Variants in NCOA4 observed in about 807,000 individuals in gnomAD.
The protein encoded by NCOA4 is nuclear receptor coactivator 4, also known as 70 kDa AR-activator.
Under a neutral mutation model 69.5 loss-of-function variants are expected in NCOA4, and 31 were observed. The ratio of observed to expected loss-of-function variants is 0.45; its 90% CI spans 0.34 to 0.60. NCOA4 has a LOEUF of 0.60. Ranked by LOEUF, NCOA4 falls within the 20% of genes least tolerant of loss-of-function variation. The pLI, the probability that NCOA4 is intolerant of heterozygous loss-of-function variation, is 0.02. For missense variants in NCOA4, 600 were observed against 719.2 expected (o/e 0.83, Z 1.90); for synonymous variants, 228 against 252.4 (o/e 0.90, Z 0.92).
chr10:46,006,815 TTTCTC>T (rs1838846092), intron 9 of NCOA4, among the ~76,000 whole-genome samples: 1 of 152,220 alleles, frequency 6.6e-6, no homozygotes, highest in Non-Finnish European at 1.5e-5. Flanking sequence ...CCTTTCCCTA[TTTCTC>T]TTCTCTCTCC....
At position 46,015,159 on chromosome 10, in the gene NCOA4, C is replaced by T. The variant is rs1317918284; in HGVS notation, c.249G>A (p.Glu83=). Residue 83 remains glutamate, a synonymous_variant, in exon 3 of 10, where the codon GAG becomes GAA. Coordinates refer to ENST00000581486, the MANE Select transcript of NCOA4 (RefSeq NM_001145263.2). ...QVDLIYQLKE[E]TLQQQAQQLY... is the part of the protein sequence containing the mutation. ...GCTGCTGAGCCTGCTGTTGAAGTGT[C>T]TCCTCTTTAAGCTGATAAATAAGGT... 2 of 1,614,088 alleles carry T rather than the reference C, an allele frequency of 1.2e-6. No individual in the cohort carries two copies. The highest frequency in any genetic ancestry group is 1.7e-6 in the Non-Finnish European group (2 of 1,180,034).
chr10:46,020,459 ATTG>A (rs1839807236), intron 1 of NCOA4, among the ~76,000 whole-genome samples: 1 of 152,176 alleles, frequency 6.6e-6, no homozygotes, highest in Non-Finnish European at 1.5e-5. Flanking sequence ...TGCAGTGGTT[ATTG>A]TTATCAGGTT....
At chr10:46,016,376 G>T (rs1839546381) in intron 2 of NCOA4, among the ~76,000 whole-genome samples, 164 bp downstream of exon 2, 1 of 152,166 alleles carries the variant, frequency 6.6e-6, no homozygotes. Context: ...TTCCCCTTGG[G>T]ATGAAAGGCA....
intron 1 of NCOA4, chr10:46,023,389 T>C (rs1306631116): frequency 1.6e-5 from 16 of 985,604 alleles, no homozygotes; most frequent in Non-Finnish European, 1.8e-5. Flanking sequence ...GCTTTACCCC[T>C]GACCCGAGTG....
At chr10:46,016,519 A>C (rs782361184) in intron 2 of NCOA4, 21 bp downstream of exon 2, 329 of 1,435,362 alleles carry the variant, frequency 2.3e-4, no homozygotes, top group Non-Finnish European at 3.0e-4. Context: ...AGACAACAGA[A>C]GAGAAAAGCA....
intron 7 of NCOA4, 116 bp from the exon 8 acceptor site, chr10:46,011,322 C>A: frequency 9.8e-7 from 1 of 1,021,086 alleles, no homozygotes. Context: ...GGCTGGAGTG[C>A]GGTGGCACAA....
At chr10:46,013,668 T>G (rs1839366317) in intron 5 of NCOA4, 29 bp from the exon 6 acceptor site, 1 of 1,486,262 alleles carries the variant, frequency 6.7e-7, no homozygotes, top group South Asian at 1.2e-5. Context: ...TTAATCATGT[T>G]ATTTATGCTA....
intron 2 of NCOA4, 104 bp from the exon 3 acceptor site, chr10:46,015,370 G>A (rs1554922990): frequency 6.9e-6 from 3 of 432,788 alleles, no homozygotes; most frequent in South Asian, 1.9e-5. Flanking sequence ...GTGGGGTTGG[G>A]GGGACCACAA....
At chr10:46,021,851 C>G (rs1839889194) in intron 1 of NCOA4, among the ~76,000 whole-genome samples, 1 of 152,022 alleles carries the variant, frequency 6.6e-6, no homozygotes, top group African/African-American at 2.4e-5. Context: ...TCCAGCTAAT[C>G]GGGAGGCTGA....
chr10:46,016,389 A>G lies in NCOA4; in HGVS notation c.141+151T>C, dbSNP rs955431130. ...ATTTCCCCTTGGGATGAAAGGCACC[A>G]GTATATCAGGCAACTGACGGGGACC... is the stretch of plus-strand genomic sequence containing the variant. On this transcript the variant is annotated intron_variant, in intron 2 of 9. Transcript: ENST00000581486. 1.1e-4 allele frequency: 61 copies of G among 562,756 alleles called. No homozygotes were observed. The African/African-American group carries it at 1.1e-3, about 10-fold the overall frequency. 34.9% of individuals were successfully genotyped at this position (562,756 alleles called of 1,614,324 possible). A position where few individuals can be genotyped will look rare whatever the true frequency, so the allele number is the denominator to read the frequency against.
intron 7 of NCOA4, 64 bp downstream of exon 7, chr10:46,012,819 T>C (rs949820882): frequency 5.7e-6 from 9 of 1,577,788 alleles, no homozygotes; most frequent in Non-Finnish European, 7.8e-6. Context: ...ATAGTACTAC[T>C]GATTAGTAAC....
intron 1 of NCOA4, among the ~76,000 whole-genome samples, chr10:46,026,686 A>C (rs1187583031): frequency 2.6e-5 from 4 of 152,180 alleles, no homozygotes; most frequent in African/African-American, 9.7e-5. Flanking sequence ...AATAAAGCTC[A>C]AAACACACCT....
intron 7 of NCOA4, 98 bp from the exon 8 acceptor site, chr10:46,011,304 G>T (rs1414688305): frequency 1.1e-5 from 14 of 1,271,114 alleles, no homozygotes; most frequent in Non-Finnish European, 1.4e-5. Context: ...GTCTCACTCT[G>T]TCGCCCAGGC....
chr10:46,022,542 GCT>G (rs1554924665), intron 1 of NCOA4: 1 of 433,720 alleles, frequency 2.3e-6, no homozygotes. Flanking sequence ...CTCACTGCAA[GCT>G]CCACCTCCCG....
At chr10:46,007,581 CTTTTTT>C (rs71026287) in intron 9 of NCOA4, among the ~76,000 whole-genome samples, 3 of 85,474 alleles carry the variant, frequency 3.5e-5, no homozygotes, top group African/African-American at 4.9e-5. Flanking sequence ...GCCAGTGACT[CTTTTTT>C]TTTTTTTTTT....
At chr10:46,018,467 C>T (rs1374491851) in intron 1 of NCOA4, among the ~76,000 whole-genome samples, 1 of 152,190 alleles carries the variant, frequency 6.6e-6, no homozygotes, top group Non-Finnish European at 1.5e-5. Context: ...GTGTTTGTCA[C>T]AGGATTAGCC....
intron 2 of NCOA4, 97 bp from the exon 3 acceptor site, chr10:46,015,363 G>A: frequency 3.3e-6 from 2 of 612,860 alleles, no homozygotes; most frequent in Non-Finnish European, 5.5e-6. Context: ...TGGGGGGGTG[G>A]GGTTGGGGGG....
At chr10:46,014,153 A>C (rs1047995619) in intron 5 of NCOA4, among the ~76,000 whole-genome samples, 2 of 152,002 alleles carry the variant, frequency 1.3e-5, no homozygotes, top group Non-Finnish European at 2.9e-5. Context: ...CAGCCTTCCA[A>C]GTAGCTGGGA....
At chr10:46,022,779 T>A (rs1839962704) in intron 1 of NCOA4, among the ~76,000 whole-genome samples, 1 of 152,174 alleles carries the variant, frequency 6.6e-6, no homozygotes, top group Admixed American at 6.5e-5. Context: ...GGTTGTTTTT[T>A]ATACAACTCA....
Sources: gnomAD v4.1 joint callset for allele counts (sites outside exome capture counted in the v4.1 genomes callset) on GRCh38, gnomAD v4.1.1 for gene constraint, MANE v1.5 for transcripts, NCBI Gene and HGNC (gene_info 2026-07-23, HGNC 2026-07-21) for gene names.